The following NME9 variants were observed in gnomAD, a reference collection of about 807,000 sequenced individuals.
NME9 encodes thioredoxin domain-containing protein 6.
Under a neutral mutation model 44.4 loss-of-function variants are expected in NME9, and 48 were observed. The observed-to-expected ratio is 1.08, with a 90% CI of 0.86 to 1.37. The LOEUF is 1.37. Ranked by LOEUF, NME9 falls within the 40% of genes most tolerant of loss-of-function variation. NME9 has a pLI of 0.00. For missense variants in NME9, 325 were observed against 405.2 expected, an observed-to-expected ratio of 0.80 and a Z score of 1.70; for synonymous variants, 139 against 147.1, an observed-to-expected ratio of 0.94 and a Z score of 0.40.
intron 6 of NME9, among the ~76,000 whole-genome samples, chr3:138,311,927 A>G (rs1437133297): frequency 6.6e-6 from 1 of 152,218 alleles, no homozygotes; most frequent in Non-Finnish European, 1.5e-5. Context: ...CAGGATACAA[A>G]ATCAACATAC....
chr3:138,263,680 A>G lies in NME9; in HGVS notation c.746-1094T>C, dbSNP rs1320839354. 3 of 1,353,776 alleles carry G rather than the reference A, an allele frequency of 2.2e-6. No individual in the cohort carries two copies. In the African/African-American group the frequency reaches 4.3e-5, roughly 19 times the overall value. 83.9% of individuals were successfully genotyped at this position (1,353,776 alleles called of 1,614,324 possible). ...GGATGTTAACATACTTGCATTTACA[A>G]GCAGTGAAGTTTGTCACCTTCATGT... On this transcript the variant is annotated intron_variant, in intron 8 of 8. Coordinates refer to the NME9 transcript ENST00000317876.
chr3:138,320,255 A>G (rs73227574), intron 2 of NME9, among the ~76,000 whole-genome samples: 6,843 of 152,130 alleles, frequency 0.045, 209 homozygotes, highest in Non-Finnish European at 0.068. Context: ...AACCAAGCCA[A>G]CTCCTGTCTA....
Position 138,329,373 on chromosome 3 carries a change from G to T in NME9, c.-38C>A, listed in dbSNP as rs1432101782. ...AAGACGAAGCCCTGTTACCGCGGCC[G>T]TGGGCCGTTCCCCCGCAGCCTCGCG... is the stretch of plus-strand genomic sequence containing the variant. On this transcript the variant is annotated 5_prime_UTR_variant, in exon 1 of 11. Transcript: ENST00000333911. 3.3e-6 allele frequency: 5 copies of T among 1,535,788 alleles called. No individual in the cohort carries two copies. The Admixed American group carries it at 9.8e-5, about 30-fold the overall frequency.
chr3:138,305,780 A>C (rs2052208270), intron 8 of NME9, among the ~76,000 whole-genome samples: 1 of 152,186 alleles, frequency 6.6e-6, no homozygotes, highest in Non-Finnish European at 1.5e-5. Context: ...CCTTCTAATA[A>C]ATTCCTTAAT....
intron 1 of NME9, chr3:138,326,946 TGCCTG>T (rs916359306): frequency 7.3e-6 from 1 of 136,544 alleles, no homozygotes; most frequent in Non-Finnish European, 1.5e-5. Context: ...GTTTCAGACC[TGCCTG>T]GCCAACATGG....
chr3:138,280,115 G>C (rs2049735787), intron 8 of NME9, among the ~76,000 whole-genome samples: 1 of 151,992 alleles, frequency 6.6e-6, no homozygotes, highest in East Asian at 1.9e-4. Context: ...TGTTGGCCAG[G>C]CTGGGCTCAA....
intron 8 of NME9, among the ~76,000 whole-genome samples, chr3:138,305,702 C>T (rs550869078): frequency 6.6e-6 from 1 of 152,324 alleles, no homozygotes; most frequent in South Asian, 2.1e-4. Context: ...TTCGAGATCC[C>T]TAGCTTCCTT....
chr3:138,272,924 G>C (rs1448329784), intron 8 of NME9: 51 of 1,391,730 alleles, frequency 3.7e-5, no homozygotes, highest in Non-Finnish European at 4.8e-5. Context: ...ATTTAATAAA[G>C]TAAATGTAGA....
intron 6 of NME9, among the ~76,000 whole-genome samples, 192 bp from the exon 7 acceptor site, chr3:138,306,672 C>T (rs2052290467): frequency 6.6e-6 from 1 of 152,222 alleles, no homozygotes; most frequent in Non-Finnish European, 1.5e-5. Context: ...ATGCACCAGT[C>T]TGACTCCAGA....
At chr3:138,308,657 T>C (rs1218192437) in intron 6 of NME9, among the ~76,000 whole-genome samples, 1 of 152,218 alleles carries the variant, frequency 6.6e-6, no homozygotes, top group African/African-American at 2.4e-5. Context: ...TTTCGATTAT[T>C]GGTGTTGCTA....
chr3:138,288,357 T>C (rs1276889133), intron 8 of NME9, among the ~76,000 whole-genome samples: 1 of 152,218 alleles, frequency 6.6e-6, no homozygotes, highest in Non-Finnish European at 1.5e-5. Context: ...CCTGGAAACA[T>C]AGCCTAAGTC....
At chr3:138,264,010 G>A (rs2048010448) in intron 8 of NME9, 3 of 1,009,142 alleles carry the variant, frequency 3.0e-6, no homozygotes, top group African/African-American at 3.2e-5. Flanking sequence ...GTCTGATGTA[G>A]TTCACTTAAC....
At position 138,301,364 on chromosome 3, in the gene NME9, C is replaced by T. The variant is rs533558306; in HGVS notation, c.*276G>A. 226 of 490,558 alleles carry T rather than the reference C, an allele frequency of 4.6e-4. 2 individuals are homozygous for T. The South Asian group carries it at 5.5e-3, about 12-fold the overall frequency. 30.4% of individuals were successfully genotyped at this position (490,558 alleles called of 1,614,324 possible). On this transcript the variant is annotated 3_prime_UTR_variant, in exon 11 of 11. Transcript: ENST00000333911. The stretch of plus-strand genomic sequence containing the variant: ...GATGACAGGTGCACACCACCACGCC[C>T]GGCTAATTTTTTGTATTTTTAGTAG...
intron 8 of NME9, among the ~76,000 whole-genome samples, chr3:138,277,441 CT>C (rs2049406361): frequency 6.6e-6 from 1 of 152,188 alleles, no homozygotes; most frequent in South Asian, 2.1e-4. Context: ...GTGAAATGCA[CT>C]GTTAAGAGAC....
chr3:138,262,468 T>G (rs1560007727), exon 9 of NME9: 1 of 1,538,074 alleles, frequency 6.5e-7, no homozygotes, highest in African/African-American at 1.4e-5. Flanking sequence ...TCTTCTCTTC[T>G]TGTTTGGCTG....
intron 4 of NME9, among the ~76,000 whole-genome samples, chr3:138,316,546 C>T (rs2053093564): frequency 6.6e-6 from 1 of 152,204 alleles, no homozygotes; most frequent in Non-Finnish European, 1.5e-5. Context: ...GGGAAGCCTT[C>T]ACAGTCCAGG....
At chr3:138,319,428 TA>T in intron 3 of NME9, 49 bp downstream of exon 3, 1 of 1,105,924 alleles carries the variant, frequency 9.0e-7, no homozygotes, top group Non-Finnish European at 1.4e-6. Context: ...TTTAAATTTT[TA>T]AATTCTTTTT....
intron 6 of NME9, among the ~76,000 whole-genome samples, chr3:138,307,458 G>A (rs889326631): frequency 2.0e-5 from 3 of 152,144 alleles, no homozygotes; most frequent in African/African-American, 7.2e-5. Context: ...TACATTGGTT[G>A]TGTTGAAATG....
intron 1 of NME9, among the ~76,000 whole-genome samples, chr3:138,328,713 CAAG>C (rs2053946361): frequency 1.3e-5 from 2 of 152,124 alleles, no homozygotes; most frequent in South Asian, 2.1e-4. Context: ...TGTCCAGGAC[CAAG>C]AAGAAGAGCA....
Sources: allele counts gnomAD v4.1 joint callset (sites outside exome capture counted in the v4.1 genomes callset), GRCh38; gene constraint gnomAD v4.1.1; transcripts MANE v1.5; gene names NCBI Gene and HGNC (gene_info 2026-07-23, HGNC 2026-07-21).